Variants in ABLIM1 observed in about 807,000 individuals in gnomAD.
ABLIM1 encodes the protein actin-binding LIM protein 1.
Under a neutral mutation model 107.0 loss-of-function variants are expected in ABLIM1, and 40 were observed. The ratio of observed to expected loss-of-function variants is 0.37; its 90% confidence interval spans 0.29 to 0.49. ABLIM1 has a LOEUF of 0.49. Ranked by LOEUF, ABLIM1 falls within the 20% of genes least tolerant of loss-of-function variation. ABLIM1 has a pLI of 0.97. For missense variants in ABLIM1, 857 were observed against 1,008.5 expected, an observed-to-expected ratio of 0.85 and a Z score of 2.04; for synonymous variants, 357 against 357.3, an observed-to-expected ratio of 1.00 and a Z score of 0.01.
exon 1 of ABLIM1, chr10:114,684,662 C>A (rs1222905950): frequency 4.4e-6 from 5 of 1,137,172 alleles, no homozygotes; most frequent in Non-Finnish European, 5.4e-6. Context: ...TGACGCCACA[C>A]CCACTGAAAA....
intron 1 of ABLIM1, among the ~76,000 whole-genome samples, chr10:114,719,492 A>C (rs932898196): frequency 6.6e-6 from 1 of 152,216 alleles, no homozygotes; most frequent in Non-Finnish European, 1.5e-5. Flanking sequence ...AAAGTACGCT[A>C]TCAAGGTCAC....
At chr10:114,709,794 T>C (rs1346259908) in intron 1 of ABLIM1, among the ~76,000 whole-genome samples, 2 of 152,242 alleles carry the variant, frequency 1.3e-5, no homozygotes, top group African/African-American at 4.8e-5. Flanking sequence ...CTGTATTTTA[T>C]GATATTTAGG....
intron 3 of ABLIM1, among the ~76,000 whole-genome samples, chr10:114,573,058 A>G (rs2071933042): frequency 6.6e-6 from 1 of 152,222 alleles, no homozygotes; most frequent in Non-Finnish European, 1.5e-5. Context: ...CCAGTTCTCA[A>G]CTTGGGCTGG....
intron 10 of ABLIM1, 145 bp downstream of exon 10, chr10:114,472,832 T>G: frequency 1.4e-6 from 1 of 725,962 alleles, no homozygotes; most frequent in Non-Finnish European, 2.1e-6. Flanking sequence ...TCTGAATACC[T>G]CAAAGCACCT....
intron 1 of ABLIM1, among the ~76,000 whole-genome samples, chr10:114,717,394 G>A (rs1180783987): frequency 2.0e-5 from 3 of 152,184 alleles, no homozygotes; most frequent in Non-Finnish European, 4.4e-5. Flanking sequence ...TGTCAGCTAG[G>A]ATTCTTCAAT....
rs1320847540 is a variant in ABLIM1, at chr10:114,581,745, G to A, written c.380-6146C>T. 4.6e-5 allele frequency among the ~76,000 whole-genome samples: 7 copies of A among 152,146 alleles called. No individual in the cohort carries two copies. The East Asian group carries it at 5.8e-4, about 13-fold the overall frequency. ...TGGTCAGCTCTTCTCAGGGAAGAAG[G>A]AGCCCTTCTGAATTTGCCCCATGAA... On this transcript the variant is annotated intron_variant, in intron 2 of 22. Coordinates refer to ENST00000533213, the MANE Select transcript of ABLIM1 (RefSeq NM_002313.7).
At chr10:114,579,051 T>C (rs1323782435) in intron 2 of ABLIM1, among the ~76,000 whole-genome samples, 1 of 152,072 alleles carries the variant, frequency 6.6e-6, no homozygotes, top group Non-Finnish European at 1.5e-5. Context: ...CCTCCCAAAG[T>C]ACTGTTATTA....
In ABLIM1 at chr10:114,546,340, C is replaced by T. The variant is rs185414721; in HGVS notation, c.801-1242G>A. 3.6e-3 allele frequency among the ~76,000 whole-genome samples: 528 copies of T among 148,392 alleles called. 3 individuals carry two copies. The highest frequency in any genetic ancestry group is 0.012 in the African/African-American group (501 of 40,182). On this transcript the variant is annotated intron_variant, in intron 5 of 22. Coordinates refer to ENST00000533213, the MANE Select transcript of ABLIM1 (RefSeq NM_002313.7). ...GACAGAGTCTTGCTCTGTCTCCAGG[C>T]TGGAGTACAGTGGTGCGATCTGGGC...
intron 10 of ABLIM1, 60 bp from the exon 11 acceptor site, chr10:114,468,276 T>C: frequency 2.7e-6 from 4 of 1,506,208 alleles, no homozygotes; most frequent in Non-Finnish European, 3.7e-6. Flanking sequence ...CCGTTTTGTT[T>C]GTTTGTTTGT....
intron 1 of ABLIM1, among the ~76,000 whole-genome samples, chr10:114,630,028 A>C (rs1017389416): frequency 6.6e-6 from 1 of 152,178 alleles, no homozygotes; most frequent in Non-Finnish European, 1.5e-5. Context: ...TGGCCTGTCC[A>C]AAGTGTTCCA....
intron 1 of ABLIM1, among the ~76,000 whole-genome samples, chr10:114,766,376 T>G (rs1336323113): frequency 6.6e-6 from 1 of 152,234 alleles, no homozygotes; most frequent in Non-Finnish European, 1.5e-5. Flanking sequence ...GAAATGTCTA[T>G]AGCTGACTCC....
intron 1 of ABLIM1, among the ~76,000 whole-genome samples, chr10:114,732,502 T>A (rs1353622131): frequency 6.6e-6 from 1 of 152,188 alleles, no homozygotes; most frequent in Non-Finnish European, 1.5e-5. Context: ...TGCAAATATT[T>A]TTTCCCATTC....
rs542146272 is a variant in ABLIM1, at chr10:114,742,707, T to C, written c.-213+25354A>G. ...ACTTTGGGAGGCTGAGGCAGGCAGATCACTTGAATCCAGAAGTTTGAGACC... is the reference window on the plus strand; with the variant it reads ...ACTTTGGGAGGCTGAGGCAGGCAGACCACTTGAATCCAGAAGTTTGAGACC... On this transcript the variant is annotated intron_variant, in intron 1 of 15. Transcript: ENST00000651092. 3.9e-5 allele frequency among the ~76,000 whole-genome samples: 6 copies of C among 152,222 alleles called. No individual in the cohort carries two copies. In the East Asian group the frequency reaches 9.7e-4, roughly 25 times the overall value.
intron 15 of ABLIM1, 100 bp from the exon 16 acceptor site, chr10:114,445,503 A>G: frequency 9.8e-7 from 1 of 1,024,468 alleles, no homozygotes; most frequent in Non-Finnish European, 1.5e-6. Flanking sequence ...TGGCAAGGTC[A>G]GCAACGGTCT....
the ABLIM1 span, among the ~76,000 whole-genome samples, chr10:114,785,367 T>C: frequency 2.8e-4 from 42 of 152,348 alleles, no homozygotes; most frequent in South Asian, 8.3e-4. Context: ...TTTTAAAAGA[T>C]TGAAGTCTCT....
chr10:114,593,041 G>T (rs2075064676), intron 2 of ABLIM1, among the ~76,000 whole-genome samples: 1 of 36,490 alleles, frequency 2.7e-5, no homozygotes, highest in Admixed American at 2.7e-4. Flanking sequence ...TGAGTATGGG[G>T]TACTCAATGG....
At chr10:114,645,251 T>C (rs190554865) in intron 1 of ABLIM1, among the ~76,000 whole-genome samples, 6 of 151,914 alleles carry the variant, frequency 3.9e-5, no homozygotes, top group Non-Finnish European at 7.4e-5. Flanking sequence ...GGGGAGGTGG[T>C]AGATAAATAC....
At chr10:114,450,363 T>A (rs1421356123) in intron 14 of ABLIM1, among the ~76,000 whole-genome samples, 2 of 151,802 alleles carry the variant, frequency 1.3e-5, no homozygotes, top group African/African-American at 2.4e-5. Context: ...GGTCTAAAAT[T>A]TTTTTCCTTA....
chr10:114,440,906 C>A, intron 19 of ABLIM1, 111 bp downstream of exon 19: 1 of 1,065,610 alleles, frequency 9.4e-7, no homozygotes, highest in East Asian at 2.5e-5. Context: ...CAGATGTGAT[C>A]CTACTCTAAG....
Sources: allele counts gnomAD v4.1 joint callset (sites outside exome capture counted in the v4.1 genomes callset), GRCh38; gene constraint gnomAD v4.1.1; transcripts MANE v1.5; gene names NCBI Gene and HGNC (gene_info 2026-07-23, HGNC 2026-07-21).